ABCG2: variants seen among roughly 807,000 people sequenced by gnomAD.
The protein encoded by ABCG2 is broad substrate specificity ATP-binding cassette transporter ABCG2.
In ABCG2, 80 loss-of-function variants were observed where a neutral mutation model predicts 73.5. The ratio of observed to expected loss-of-function variants is 1.09; its 90% CI spans 0.91 to 1.31. ABCG2 has a LOEUF of 1.31. Ranked by LOEUF, ABCG2 falls within the 50% of genes most tolerant of loss-of-function variation. The probability of loss-of-function intolerance (pLI) is 0.00; values close to 1 mark genes in which losing one functional copy is unlikely to be tolerated. For synonymous variants in ABCG2, 269 were observed against 282.4 expected, an observed-to-expected ratio of 0.95 and a Z score of 0.48; for missense variants, 796 against 786.2, an observed-to-expected ratio of 1.01 and a Z score of -0.15.
At chr4:88,211,448 A>T (rs1188932529) in intron 1 of ABCG2, among the ~76,000 whole-genome samples, 4 of 140,452 alleles carry the variant, frequency 2.8e-5, no homozygotes, top group Non-Finnish European at 6.0e-5. Context: ...ATGGAGTCTC[A>T]CTCTGTTGTC....
Position 88,095,592 on chromosome 4 carries a change from C to G in ABCG2, c.1665G>C (p.Leu555Phe). 1 of 1,613,618 alleles carries G rather than the reference C, an allele frequency of 6.2e-7. No individual in the cohort carries two copies. Among genetic ancestry groups the G allele is most frequent in the South Asian group, 1.1e-5 (1 of 91,042 alleles). Reference sequence around the variant, plus strand: ...AAGATGCAATGGTTGTGAGATTGACCAACAGACCTGAAAAAATCTACAAAA... The same window carrying G: ...AAGATGCAATGGTTGTGAGATTGACGAACAGACCTGAAAAAATCTACAAAA... ...FVFMMIFSGLLVNLTTIASWL... is the reference protein window; with the variant it reads ...FVFMMIFSGLFVNLTTIASWL... The change falls in exon 14 of 16, where the codon TTG becomes TTC. Residue 555 changes from leucine to phenylalanine, a missense_variant. Coordinates refer to ENST00000237612, the MANE Select transcript of ABCG2 (RefSeq NM_004827.3).
chr4:88,229,538 A>G (rs963870147), intron 1 of ABCG2, among the ~76,000 whole-genome samples: 15 of 152,280 alleles, frequency 9.9e-5, no homozygotes, highest in Middle Eastern at 3.4e-3. Flanking sequence ...TCCAACTAAG[A>G]AAGATACAAG....
At chr4:88,112,602 C>T (rs1723217124) in intron 9 of ABCG2, among the ~76,000 whole-genome samples, 2 of 152,116 alleles carry the variant, frequency 1.3e-5, no homozygotes, top group South Asian at 4.2e-4. Flanking sequence ...ATTTTGTTCA[C>T]TACTGAATTC....
intron 1 of ABCG2, among the ~76,000 whole-genome samples, chr4:88,156,353 C>T (rs1198305682): frequency 3.8e-5 from 4 of 105,568 alleles, no homozygotes; most frequent in East Asian, 3.0e-4. Context: ...CCAGCCTGGG[C>T]GACAAAGACT....
intron 1 of ABCG2, among the ~76,000 whole-genome samples, chr4:88,223,038 C>T (rs998490433): frequency 6.6e-6 from 1 of 152,242 alleles, no homozygotes; most frequent in Non-Finnish European, 1.5e-5. Flanking sequence ...ATAGCCCCTT[C>T]ATTGTGGCCA....
chr4:88,137,016 A>AAAATAAAATAAAATG (rs1725295680), intron 2 of ABCG2, among the ~76,000 whole-genome samples: 2 of 99,660 alleles, frequency 2.0e-5, no homozygotes, highest in Non-Finnish European at 3.4e-5. Context: ...CCATCTCAAT[A>AAAATAAAATAAAATG]AAATAAAATA....
intron 10 of ABCG2, among the ~76,000 whole-genome samples, chr4:88,103,694 T>A (rs1202183569): frequency 2.0e-5 from 3 of 152,186 alleles, no homozygotes; most frequent in Non-Finnish European, 4.4e-5. Flanking sequence ...TAACTGAGGT[T>A]TTGTACCCTT....
chr4:88,166,168 A>G (rs1266945029), intron 1 of ABCG2, among the ~76,000 whole-genome samples: 1 of 152,190 alleles, frequency 6.6e-6, no homozygotes, highest in African/African-American at 2.4e-5. Flanking sequence ...ATTTGACTAA[A>G]GCCAGAGCTT....
At chr4:88,104,304 C>T (rs1243306114) in intron 10 of ABCG2, among the ~76,000 whole-genome samples, 1 of 152,182 alleles carries the variant, frequency 6.6e-6, no homozygotes, top group Non-Finnish European at 1.5e-5. Flanking sequence ...GAGAACTAAA[C>T]CACTGGCCTC....
At position 88,155,626 on chromosome 4, in the gene ABCG2, C is replaced by A. The variant is rs138215164; in HGVS notation, c.-20+2760G>T. On this transcript the variant is annotated intron_variant, in intron 1 of 15. Transcript: ENST00000237612. ...AAAAAGTTCAAAAGTAACTCTAGGC[C>A]GGGCACGGTGGCTCATGCCTGTATT... Among the ~76,000 whole-genome samples, 322 of 152,308 alleles carry A rather than the reference C, an allele frequency of 2.1e-3. 1 individual carries two copies. The highest frequency in any genetic ancestry group is 7.1e-3 in the African/African-American group (294 of 41,572).
At chr4:88,123,488 A>G (rs181911261) in intron 5 of ABCG2, among the ~76,000 whole-genome samples, 5 of 152,244 alleles carry the variant, frequency 3.3e-5, no homozygotes, top group East Asian at 1.9e-4. Context: ...TGAAGCTGAA[A>G]AACACAGCAC....
intron 1 of ABCG2, among the ~76,000 whole-genome samples, chr4:88,229,504 C>G (rs1183040953): frequency 6.6e-6 from 1 of 152,130 alleles, no homozygotes; most frequent in African/African-American, 2.4e-5. Context: ...TTACAACCTA[C>G]CTACTCTGTC....
intron 1 of ABCG2, among the ~76,000 whole-genome samples, chr4:88,204,960 T>C (rs1292568833): frequency 6.6e-6 from 1 of 152,222 alleles, no homozygotes; most frequent in Non-Finnish European, 1.5e-5. Context: ...GTGCAAAATA[T>C]GTTTGCAAAT....
At chr4:88,155,403 C>G (rs191258380) in intron 1 of ABCG2, among the ~76,000 whole-genome samples, 2 of 152,036 alleles carry the variant, frequency 1.3e-5, no homozygotes, top group African/African-American at 2.4e-5. Flanking sequence ...GTCTGTGAAG[C>G]CTTGAGGCAG....
chr4:88,204,377 T>C (rs1308701223), intron 1 of ABCG2, among the ~76,000 whole-genome samples: 1 of 152,088 alleles, frequency 6.6e-6, no homozygotes, highest in East Asian at 1.9e-4. Flanking sequence ...GCCGAGATCG[T>C]GCCACTGCAC....
At chr4:88,137,539 G>A (rs1725337023) in intron 2 of ABCG2, among the ~76,000 whole-genome samples, 1 of 152,208 alleles carries the variant, frequency 6.6e-6, no homozygotes, top group African/African-American at 2.4e-5. Flanking sequence ...GAAGAGACAG[G>A]ATATGGTGGC....
intron 14 of ABCG2, 43 bp downstream of exon 14, chr4:88,095,477 T>C (rs763497973): frequency 6.5e-7 from 1 of 1,534,466 alleles, no homozygotes. Context: ...CCATTGTTCC[T>C]AGCTTGGGAA....
Position 88,100,657 on chromosome 4 carries a change from T to A in ABCG2, c.1367+573A>T, listed in dbSNP as rs369006758. On this transcript the variant is annotated intron_variant, in intron 11 of 15. Transcript: ENST00000237612. ...AAAGCAAGACCCTGTCTCCAAAAAA[T>A]AAATAAATAAATAAATAGGAAAATA... 3.2e-4 allele frequency among the ~76,000 whole-genome samples: 49 copies of A among 151,906 alleles called. No homozygotes were observed. In the South Asian group the frequency reaches 9.8e-3, roughly 30 times the overall value.
At chr4:88,196,150 C>T (rs1393222265) in intron 1 of ABCG2, among the ~76,000 whole-genome samples, 1 of 152,158 alleles carries the variant, frequency 6.6e-6, no homozygotes, top group East Asian at 1.9e-4. Flanking sequence ...ACACTCCTGC[C>T]CCGCACATTT....
Sources: gnomAD v4.1 joint callset for allele counts (sites outside exome capture counted in the v4.1 genomes callset) on GRCh38, gnomAD v4.1.1 for gene constraint, MANE v1.5 for transcripts, NCBI Gene and HGNC (gene_info 2026-07-23, HGNC 2026-07-21) for gene names.